The following GLT1D1 variants were observed in gnomAD, a reference collection of about 807,000 sequenced individuals.
GLT1D1 encodes the protein glycosyltransferase 1 domain containing 1.
GLT1D1 carries 21 observed loss-of-function variants against 28.7 expected under a neutral mutation model. The observed-to-expected ratio is 0.73, with a 90% confidence interval of 0.52 to 1.05. GLT1D1 has a LOEUF of 1.05. Ranked by LOEUF, GLT1D1 falls within the 50% of genes least tolerant of loss-of-function variation. The pLI is 0.00. For synonymous variants in GLT1D1, 147 were observed against 124.8 expected (o/e 1.18, Z -1.19); for missense variants, 343 against 330.6 (o/e 1.04, Z -0.29).
intron 7 of GLT1D1, among the ~76,000 whole-genome samples, chr12:128,966,051 T>C (rs1878426693): frequency 6.6e-6 from 1 of 152,250 alleles, no homozygotes; most frequent in Non-Finnish European, 1.5e-5. Context: ...ATGCATCACA[T>C]TTGAGATGAT....
rs1880517843 is a variant in GLT1D1 at position 128,983,343 on chromosome 12, C to T, written c.*253C>T. The T allele has an allele frequency of 2.3e-6, 1 of 439,764 alleles. No individual in the cohort carries two copies. The highest frequency in any genetic ancestry group is 3.6e-5 in the Admixed American group (1 of 27,680). The allele number at this position is 439,764 out of a possible 1,614,324, so 27.2% of individuals were successfully genotyped here. ...GCATGAGTGACTGGGTTGACTGGGA[C>T]AGGGAAAGGGGAACTGGTTTTCAGG... On this transcript the variant is annotated 3_prime_UTR_variant, in exon 8 of 8. Coordinates refer to ENST00000281703, the MANE Select transcript of GLT1D1 (RefSeq NM_144669.3). This position sits in a 1 kb window ranked among gnomAD's most constrained non-coding sequence, Gnocchi z 4.7.
chr12:128,947,238 G>T, intron 5 of GLT1D1, 100 bp from the exon 10 acceptor site: 1 of 1,363,346 alleles, frequency 7.3e-7, no homozygotes, highest in Non-Finnish European at 1.0e-6. Context: ...CTTACTTGCT[G>T]ATCTAGAGTA....
intron 2 of GLT1D1, among the ~76,000 whole-genome samples, chr12:128,883,595 A>C (rs1046317745): frequency 1.9e-4 from 23 of 119,708 alleles, no homozygotes; most frequent in Non-Finnish European, 3.9e-4. Context: ...ATCTCAAAAA[A>C]AAAAAAAAAA....
At chr12:128,979,492 G>C (rs907729302) in intron 7 of GLT1D1, among the ~76,000 whole-genome samples, 1 of 152,232 alleles carries the variant, frequency 6.6e-6, no homozygotes, top group African/African-American at 2.4e-5. Context: ...TGCCAGGACA[G>C]ATGCCCCTGG....
intron 4 of GLT1D1, among the ~76,000 whole-genome samples, chr12:128,933,005 C>T (rs1479324528): frequency 6.6e-6 from 1 of 152,236 alleles, no homozygotes; most frequent in Non-Finnish European, 1.5e-5. Context: ...CCCGGTCCCA[C>T]TGAAGCCTCA....
rs777204339 is a variant in GLT1D1, at chr12:128,912,426, G to T, written c.375+13139G>T. ...TCTCTCTCCCCTCCTTTCAAAAGCC[G>T]CATGCTAAGGGTAAGGTCTATGTCC... On this transcript the variant is annotated intron_variant, in intron 4 of 7. Coordinates refer to ENST00000281703, the MANE Select transcript of GLT1D1 (RefSeq NM_144669.3). 1.6e-5 allele frequency: 24 copies of T among 1,524,232 alleles called. No individual in the cohort carries two copies. The South Asian group carries it at 2.5e-4, about 16-fold the overall frequency. 94.4% of individuals were successfully genotyped at this position (1,524,232 alleles called of 1,614,324 possible).
At chr12:128,921,674 G>GAAA (rs1872668275) in intron 4 of GLT1D1, among the ~76,000 whole-genome samples, 2 of 151,978 alleles carry the variant, frequency 1.3e-5, no homozygotes, top group African/African-American at 2.4e-5. Flanking sequence ...TAGTTGGAGG[G>GAAA]CCACTTTTTT....
At chr12:128,905,572 T>C (rs575360625) in intron 4 of GLT1D1, among the ~76,000 whole-genome samples, 129 of 152,338 alleles carry the variant, frequency 8.5e-4, no homozygotes, top group African/African-American at 3.0e-3. Context: ...TTAGTTTGAT[T>C]GGATTTCAGT....
chr12:128,908,551 T>A (rs1389573413), intron 4 of GLT1D1, among the ~76,000 whole-genome samples: 1 of 151,330 alleles, frequency 6.6e-6, no homozygotes, highest in Non-Finnish European at 1.5e-5. Flanking sequence ...CTTTTTTTTT[T>A]AATTGTTCTC....
intron 4 of GLT1D1, chr12:128,907,075 C>T (rs1157820088): frequency 3.1e-6 from 2 of 651,830 alleles, no homozygotes; most frequent in Admixed American, 4.6e-5. Flanking sequence ...ATTACTTCTC[C>T]CTCTTCCTGC....
chr12:128,926,504 C>A (rs904287049), intron 4 of GLT1D1, 50 bp downstream of exon 7: 2 of 963,320 alleles, frequency 2.1e-6, no homozygotes, highest in Non-Finnish European at 3.2e-6. Flanking sequence ...TCCTTGTGGG[C>A]GCCCATCTCA....
chr12:128,865,690 C>G (rs774987878), intron 1 of GLT1D1, among the ~76,000 whole-genome samples: 30 of 152,026 alleles, frequency 2.0e-4, no homozygotes, highest in Admixed American at 3.3e-4. Flanking sequence ...GGCGTGGTGG[C>G]ATGCGCCTAT....
At chr12:128,970,959 C>A (rs529710997) in intron 7 of GLT1D1, among the ~76,000 whole-genome samples, 5 of 152,318 alleles carry the variant, frequency 3.3e-5, no homozygotes, top group African/African-American at 9.6e-5. Flanking sequence ...TGATTATGCC[C>A]CGGCGTACAA....
chr12:128,855,817 G>A (rs1417666427), intron 1 of GLT1D1, among the ~76,000 whole-genome samples: 1 of 146,850 alleles, frequency 6.8e-6, no homozygotes, highest in Admixed American at 6.9e-5. Flanking sequence ...CAATGGCGGG[G>A]TCTCAGCTCA....
At chr12:128,900,280 C>A (rs568580900) in intron 4 of GLT1D1, among the ~76,000 whole-genome samples, 3 of 152,202 alleles carry the variant, frequency 2.0e-5, no homozygotes, top group Non-Finnish European at 4.4e-5. Flanking sequence ...CATTTGCAGG[C>A]GTTATTCCTG....
intron 1 of GLT1D1, among the ~76,000 whole-genome samples, chr12:128,865,459 G>A (rs955012221): frequency 2.2e-4 from 33 of 152,058 alleles, no homozygotes; most frequent in Non-Finnish European, 4.6e-4. Flanking sequence ...TCAGTATTCC[G>A]TATCTGTGGG....
At chr12:128,949,063 C>T (rs1294095697) in intron 6 of GLT1D1, among the ~76,000 whole-genome samples, 1 of 152,200 alleles carries the variant, frequency 6.6e-6, no homozygotes, top group Non-Finnish European at 1.5e-5. Context: ...TACCTCCCAA[C>T]TGCAGTCCTC....
rs557509438 is a variant in GLT1D1 at position 128,944,630 on chromosome 12, T to A, written c.376-696T>A. On this transcript the variant is annotated intron_variant, in intron 4 of 7. Coordinates refer to ENST00000281703, the MANE Select transcript of GLT1D1 (RefSeq NM_144669.3). ...ATATTCAGGTTAATCACTGTGTCGGTCTGATCAGCTTTATCTAGGGCTTCT... is the reference window on the plus strand; with the variant it reads ...ATATTCAGGTTAATCACTGTGTCGGACTGATCAGCTTTATCTAGGGCTTCT... 627 of 736,904 alleles carry A rather than the reference T, an allele frequency of 8.5e-4. 13 individuals are homozygous for A. The highest frequency in any genetic ancestry group is 8.4e-3 in the South Asian group (621 of 73,954). The allele number at this position is 736,904 out of a possible 1,614,324, so 45.6% of individuals were successfully genotyped here.
At chr12:128,909,364 A>G (rs34694219) in intron 4 of GLT1D1, among the ~76,000 whole-genome samples, 18,944 of 151,764 alleles carry the variant, frequency 0.12, 1,301 homozygotes, top group East Asian at 0.25. Flanking sequence ...TTTCTAAGGG[A>G]AAAGAGTAGA....
Sources: gnomAD v4.1 joint callset for allele counts (sites outside exome capture counted in the v4.1 genomes callset) on GRCh38, gnomAD v4.1.1 for gene constraint, Gnocchi (gnomAD v3.1) non-coding constraint, MANE v1.5 for transcripts, NCBI Gene and HGNC (gene_info 2026-07-23, HGNC 2026-07-21) for gene names.